The following EDIL3 variants were observed in gnomAD, a reference collection of about 807,000 sequenced individuals.
EDIL3 encodes EGF like and discoidin domains 3, also known as EGF-like repeat and discoidin I-like domain-containing protein 3.
A neutral mutation model predicts 67.4 loss-of-function variants in EDIL3; 37 were observed. The observed-to-expected ratio is 0.55, with a 90% CI of 0.42 to 0.72. The LOEUF is 0.72. Ranked by LOEUF, EDIL3 falls within the 30% of genes least tolerant of loss-of-function variation. The pLI is 0.00. For missense variants in EDIL3, 527 were observed against 586.3 expected (o/e 0.90, Z 1.04); for synonymous variants, 195 against 196.3 (o/e 0.99, Z 0.05).
At chr5:84,228,446 C>G (rs554832101) in intron 3 of EDIL3, among the ~76,000 whole-genome samples, 20 of 152,088 alleles carry the variant, frequency 1.3e-4, no homozygotes, top group Non-Finnish European at 2.6e-4. Context: ...AGGAAACTCA[C>G]AAACAGATGA....
chr5:84,036,181 C>A lies in EDIL3; in HGVS notation c.1137+24119G>T, dbSNP rs73134210. Among the ~76,000 whole-genome samples, 5 of 152,080 alleles carry A rather than the reference C, an allele frequency of 3.3e-5. No homozygotes were observed. In the East Asian group the frequency reaches 9.6e-4, roughly 29 times the overall value. ...GTAATGATGCTGAACATCCAGGAGACCTGTCTCTTCTAGGGATGGCAACAG... is the reference window on the plus strand; with the variant it reads ...GTAATGATGCTGAACATCCAGGAGAACTGTCTCTTCTAGGGATGGCAACAG... On this transcript the variant is annotated intron_variant, in intron 9 of 10. Transcript: ENST00000296591.
In EDIL3 at chr5:84,018,152, T is replaced by C. The variant is rs28401425; in HGVS notation, c.1137+42148A>G. On this transcript the variant is annotated intron_variant, in intron 9 of 10. Coordinates refer to ENST00000296591, the MANE Select transcript of EDIL3 (RefSeq NM_005711.5). Reference sequence around the variant, plus strand: ...TGTTCCGGGAACTCTTGTGGCATGGTTGTCTAAAGTACATAGTTGATCAAA... The same window carrying C: ...TGTTCCGGGAACTCTTGTGGCATGGCTGTCTAAAGTACATAGTTGATCAAA... Among the ~76,000 whole-genome samples, 1,310 of 152,304 alleles carry C rather than the reference T, an allele frequency of 8.6e-3. 20 individuals are homozygous for C. The highest frequency in any genetic ancestry group is 0.03 in the African/African-American group (1,237 of 41,578).
intron 1 of EDIL3, among the ~76,000 whole-genome samples, chr5:84,372,790 C>G (rs1209611903): frequency 6.6e-6 from 1 of 152,124 alleles, no homozygotes; most frequent in Non-Finnish European, 1.5e-5. Context: ...TTTAAAAGAG[C>G]TGTTTCTATG....
intron 9 of EDIL3, among the ~76,000 whole-genome samples, chr5:83,985,915 G>T (rs181710724): frequency 3.3e-5 from 5 of 151,968 alleles, no homozygotes; most frequent in Non-Finnish European, 7.4e-5. Flanking sequence ...CTTGCTTTGG[G>T]TCATTCTGAT....
intron 7 of EDIL3, among the ~76,000 whole-genome samples, chr5:84,065,165 T>C (rs1746615520): frequency 6.6e-6 from 1 of 152,168 alleles, no homozygotes; most frequent in African/African-American, 2.4e-5. Context: ...CTTAAATCCT[T>C]CAATTTAATC....
At chr5:84,373,563 AG>A in intron 1 of EDIL3, among the ~76,000 whole-genome samples, 1 of 152,292 alleles carries the variant, frequency 6.6e-6, no homozygotes, top group Admixed American at 6.5e-5. Context: ...GATGGAAAAA[AG>A]ACTTTAGAAA....
At chr5:84,298,137 C>T (rs1347541146) in intron 1 of EDIL3, among the ~76,000 whole-genome samples, 2 of 152,164 alleles carry the variant, frequency 1.3e-5, no homozygotes, top group East Asian at 3.8e-4. Flanking sequence ...TGAGTACATA[C>T]CCAAAGGAGT....
At chr5:84,307,189 T>A (rs1468741568) in intron 1 of EDIL3, among the ~76,000 whole-genome samples, 1 of 152,184 alleles carries the variant, frequency 6.6e-6, no homozygotes, top group African/African-American at 2.4e-5. Context: ...GAAGTAGGGT[T>A]AGTCAAAGAA....
intron 4 of EDIL3, among the ~76,000 whole-genome samples, chr5:84,160,072 T>A (rs1748575687): frequency 6.6e-6 from 1 of 152,154 alleles, no homozygotes; most frequent in East Asian, 1.9e-4. Context: ...ATAGATAACA[T>A]AATAGTCACA....
intron 1 of EDIL3, among the ~76,000 whole-genome samples, chr5:84,317,360 C>T (rs1746535625): frequency 6.6e-6 from 1 of 151,878 alleles, no homozygotes; most frequent in Non-Finnish European, 1.5e-5. Context: ...AGATAGACTG[C>T]TAGCAAGACT....
intron 9 of EDIL3, among the ~76,000 whole-genome samples, chr5:84,022,190 T>C (rs533515391): frequency 2.6e-5 from 4 of 151,786 alleles, no homozygotes; most frequent in Non-Finnish European, 5.9e-5. Flanking sequence ...ACATATTCAA[T>C]AACACAACAA....
At chr5:84,055,552 C>G (rs1746427107) in intron 9 of EDIL3, among the ~76,000 whole-genome samples, 1 of 151,798 alleles carries the variant, frequency 6.6e-6, no homozygotes, top group African/African-American at 2.4e-5. Context: ...TTTTTGCAAT[C>G]TAGTCATCTG....
intron 4 of EDIL3, 64 bp from the exon 5 acceptor site, chr5:84,137,418 G>T: frequency 7.0e-7 from 1 of 1,421,042 alleles, no homozygotes; most frequent in Non-Finnish European, 9.7e-7. Context: ...ATATTGGAAA[G>T]TTTTAACATT....
intron 1 of EDIL3, among the ~76,000 whole-genome samples, chr5:84,295,846 A>G (rs1285487418): frequency 6.6e-6 from 1 of 152,200 alleles, no homozygotes; most frequent in Non-Finnish European, 1.5e-5. Flanking sequence ...CATGTTTTTA[A>G]TTGATGAACA....
At chr5:83,995,298 T>C (rs761150108) in intron 9 of EDIL3, among the ~76,000 whole-genome samples, 11 of 152,052 alleles carry the variant, frequency 7.2e-5, no homozygotes, top group Non-Finnish European at 1.6e-4. Flanking sequence ...TAGCGGAGAT[T>C]CATCACATTT....
Position 83,945,572 on chromosome 5 carries a change from T to A in EDIL3, c.1294-2004A>T, listed in dbSNP as rs563509376. ...GGAAATACAGAAAGAAACAATTTTC[T>A]CTTAAGTGTCTGCTCTCCAGCACAG... On this transcript the variant is annotated intron_variant, in intron 10 of 10. Coordinates refer to ENST00000296591, the MANE Select transcript of EDIL3 (RefSeq NM_005711.5). Among the ~76,000 whole-genome samples the A allele has an allele frequency of 3.9e-5, 6 of 152,066 alleles. No individual in the cohort carries two copies. In the East Asian group the frequency reaches 5.9e-4, roughly 15 times the overall value.
At position 84,119,674 on chromosome 5, in the gene EDIL3, T is replaced by C. The variant is rs546554294; in HGVS notation, c.470-12844A>G. ...AACACTTTGATAAATCAGATTACAA[T>C]TCTGAAAAGCACTTTTATAATCGAG... On this transcript the variant is annotated intron_variant, in intron 5 of 10. Coordinates refer to ENST00000296591, the MANE Select transcript of EDIL3 (RefSeq NM_005711.5). Among the ~76,000 whole-genome samples the C allele has an allele frequency of 2.3e-4, 35 of 152,178 alleles. No individual in the cohort carries two copies. The South Asian group carries it at 3.5e-3, about 15-fold the overall frequency.
chr5:84,202,894 C>G (rs565087699), intron 3 of EDIL3, among the ~76,000 whole-genome samples: 23 of 152,082 alleles, frequency 1.5e-4, no homozygotes, highest in South Asian at 1.2e-3. Flanking sequence ...ATGAGGCACT[C>G]TAAGAGATTA....
intron 4 of EDIL3, among the ~76,000 whole-genome samples, chr5:84,170,957 G>T (rs150309034): frequency 0.014 from 2,120 of 152,010 alleles, 48 homozygotes; most frequent in African/African-American, 0.049. Flanking sequence ...ACCATGGCTG[G>T]TTAATTTTTG....
Sources: gnomAD v4.1 joint callset for allele counts (sites outside exome capture counted in the v4.1 genomes callset) on GRCh38, gnomAD v4.1.1 for gene constraint, MANE v1.5 for transcripts, NCBI Gene and HGNC (gene_info 2026-07-23, HGNC 2026-07-21) for gene names.